The following RASSF4 variants were observed in gnomAD, a reference collection of about 807,000 sequenced individuals.
RASSF4 encodes the protein Ras association domain family member 4, also known as ras association domain-containing protein 4.
A neutral mutation model predicts 41.1 loss-of-function variants in RASSF4; 38 were observed. The ratio of observed to expected loss-of-function variants is 0.92; its 90% CI spans 0.71 to 1.21. The LOEUF (loss-of-function observed/expected upper bound fraction) is 1.21. RASSF4 is among the 50% of genes most tolerant of loss of function. The probability of loss-of-function intolerance (pLI) is 0.00; values close to 1 mark genes in which losing one functional copy is unlikely to be tolerated. For missense variants in RASSF4, 414 were observed against 419.4 expected, an observed-to-expected ratio of 0.99 and a Z score of 0.11; for synonymous variants, 179 against 163.4, an observed-to-expected ratio of 1.10 and a Z score of -0.73.
At position 44,982,542 on chromosome 10, in the gene RASSF4, G is replaced by A. The variant is rs369408910; in HGVS notation, c.160G>A (p.Glu54Lys). The A allele has an allele frequency of 5.0e-6, 8 of 1,611,846 alleles. No homozygotes were observed. The highest frequency in any genetic ancestry group is 2.2e-5 in the East Asian group (1 of 44,792). ...ACAGGAAGAAGGGACTCTGATCATC[G>A]AGGGGCTCCTCAACATTGCCTGGGG... ...HREEEGTLII[E>K]GLLNIAWGLR... The change falls in exon 4 of 11, where the codon GAG becomes AAG. Residue 54 changes from glutamate (E) to lysine (K), a missense_variant. Transcript: ENST00000340258.
At position 44,984,904 on chromosome 10, in the gene RASSF4, C is replaced by A. The variant is rs778569351; in HGVS notation, c.465C>A (p.Ala155=). The stretch of plus-strand genomic sequence containing the variant: ...GCCAGAGGAGGCCCAAGTGCCGCGC[C>A]CCCGGTGAGGCCCAGCGCATCCGGC... The part of the protein sequence containing the change: ...CMSQRRPKCR[A]PGEAQRIRRH... The change falls in exon 6 of 11, where the codon GCC becomes GCA. Residue 155 remains alanine, a synonymous_variant. Transcript: ENST00000340258. 2 of 1,613,564 alleles carry A rather than the reference C, an allele frequency of 1.2e-6. No individual in the cohort carries two copies. Among genetic ancestry groups the A allele is most frequent in the Non-Finnish European group, 1.7e-6 (2 of 1,180,014 alleles).
chr10:44,992,309 G>C (rs1842145339), intron 10 of RASSF4, among the ~76,000 whole-genome samples: 1 of 152,278 alleles, frequency 6.6e-6, no homozygotes, highest in South Asian at 2.1e-4. Context: ...AGGAACCCAA[G>C]TGGGCGCTGG....
At chr10:44,970,022 C>A in intron 1 of RASSF4, 143 bp from the exon 2 acceptor site, 1 of 623,270 alleles carries the variant, frequency 1.6e-6, no homozygotes. Context: ...CTGGGCCAGA[C>A]CCTTTCAGCC....
chr10:44,966,541 A>T (rs1156355472), intron 1 of RASSF4, among the ~76,000 whole-genome samples: 1 of 152,200 alleles, frequency 6.6e-6, no homozygotes, highest in African/African-American at 2.4e-5. Flanking sequence ...GGGGGTTGGG[A>T]GCTGCTTCCT....
chr10:44,980,589 G>A (rs115174789), intron 3 of RASSF4, among the ~76,000 whole-genome samples: 2,978 of 152,308 alleles, frequency 0.02, 107 homozygotes, highest in African/African-American at 0.068. Context: ...AGGGCCACCT[G>A]CTCAGCTTTC....
chr10:44,989,633 A>G (rs765796936), intron 7 of RASSF4, 37 bp from the exon 8 acceptor site: 2 of 1,605,658 alleles, frequency 1.2e-6, no homozygotes, highest in East Asian at 2.2e-5. Flanking sequence ...CCCATCTCCA[A>G]GCACCGTGAT....
rs1336311933 is a variant in RASSF4, at chr10:44,994,518, G to A, written c.*1189G>A. 1 of 152,364 alleles carries A rather than the reference G, an allele frequency of 6.6e-6. No individual in the cohort carries two copies. The highest frequency in any genetic ancestry group is 1.5e-5 in the Non-Finnish European group (1 of 68,034). The allele number at this position is 152,364 out of a possible 1,614,324, so 9.4% of individuals were successfully genotyped here. A position where few individuals can be genotyped will look rare whatever the true frequency, so the allele number is the denominator to read the frequency against. Reference sequence around the variant, plus strand: ...GAAGCTCCTTACGGGTGCCCATCAAGAGCATAGCTTGGAAGCCACCATGCT... The same window carrying A: ...GAAGCTCCTTACGGGTGCCCATCAAAAGCATAGCTTGGAAGCCACCATGCT... On this transcript the variant is annotated 3_prime_UTR_variant, in exon 11 of 11. Transcript: ENST00000340258.
rs558134200 is a variant in RASSF4, at chr10:44,961,960, G to A, written c.-39+2094G>A. On this transcript the variant is annotated intron_variant, in intron 1 of 10. Transcript: ENST00000340258. ...TGTAAAAGAGAAACTTGTAGTTCCC[G>A]GGGTCTCCTTTTCTGGCTGTCCCAC... Among the ~76,000 whole-genome samples, 15 of 152,298 alleles carry A rather than the reference G, an allele frequency of 9.8e-5. No homozygotes were observed. In the South Asian group the frequency reaches 2.1e-3, roughly 21 times the overall value.
intron 3 of RASSF4, among the ~76,000 whole-genome samples, chr10:44,980,691 G>A (rs1471338216): frequency 3.9e-5 from 6 of 152,136 alleles, no homozygotes; most frequent in Non-Finnish European, 7.3e-5. Context: ...GTCCAAGCCC[G>A]AGCCCCTCGT....
chr10:44,993,130 C>T, intron 10 of RASSF4, 139 bp from the exon 11 acceptor site: 1 of 689,300 alleles, frequency 1.5e-6, no homozygotes, highest in Non-Finnish European at 2.5e-6. Context: ...AGGCCACAGC[C>T]TTCCCCCTCC....
In RASSF4 at chr10:44,970,215, T is replaced by A. The variant is rs778343371; in HGVS notation, c.13T>A (p.Cys5Ser). ...AGAGGAAGAGAAGATGAAGGAAGAC[T>A]GTCTGCCGAGTTCTCACGTGCCCAT... The part of the protein sequence containing the change: MKED[C>S]LPSSHVPISD... Residue 5 changes from cysteine (C) to serine (S), a missense_variant, in exon 2 of 11, where the codon TGT (cysteine) becomes AGT (serine). Transcript: ENST00000340258. 8.7e-6 allele frequency: 14 copies of A among 1,613,908 alleles called. No individual in the cohort carries two copies. The Admixed American group carries it at 2.0e-4, about 23-fold the overall frequency.
At chr10:44,979,287 G>A (rs1440606247) in intron 3 of RASSF4, among the ~76,000 whole-genome samples, 1 of 152,188 alleles carries the variant, frequency 6.6e-6, no homozygotes, top group Non-Finnish European at 1.5e-5. Flanking sequence ...CGGTCTGCGG[G>A]GTCTGACCCT....
chr10:44,979,808 C>G (rs761232601), intron 3 of RASSF4, among the ~76,000 whole-genome samples: 4 of 151,990 alleles, frequency 2.6e-5, no homozygotes, highest in Non-Finnish European at 4.4e-5. Context: ...AGGGTTTGAA[C>G]AAGGGCACTG....
intron 3 of RASSF4, chr10:44,977,374 G>A (rs756315195): frequency 2.6e-6 from 4 of 1,549,646 alleles, no homozygotes; most frequent in Admixed American, 1.9e-5. Flanking sequence ...CTCTACAGAA[G>A]CCTTTACTGG....
In RASSF4 at chr10:44,982,514, C is replaced by T. The variant is rs1841755778; in HGVS notation, c.139-7C>T. The T allele has an allele frequency of 6.2e-7, 1 of 1,610,436 alleles. No homozygotes were observed. The highest frequency in any genetic ancestry group is 8.5e-7 in the Non-Finnish European group (1 of 1,178,250). ...TGGGGGAAGGGCTGATGTGTGGACC[C>T]CCACAGGAAGAAGGGACTCTGATCA... On this transcript the variant is annotated splice_polypyrimidine_tract_variant and splice_region_variant and intron_variant, in intron 3 of 10. Transcript: ENST00000340258.
At position 44,964,436 on chromosome 10, in the gene RASSF4, G is replaced by C. The variant is rs555405566; in HGVS notation, c.-39+4570G>C. Among the ~76,000 whole-genome samples, 705 of 152,328 alleles carry C rather than the reference G, an allele frequency of 4.6e-3. 3 individuals carry two copies. The highest frequency in any genetic ancestry group is 7.6e-3 in the Non-Finnish European group (517 of 68,030). ...TTTCCCAGCAGAATGGCACGGCTTG[G>C]AGGAGGGGAGAGCCTGCTGGCCGAC... On this transcript the variant is annotated intron_variant, in intron 1 of 10. Transcript: ENST00000340258.
At chr10:44,978,126 C>T in intron 3 of RASSF4, 2 of 1,422,306 alleles carry the variant, frequency 1.4e-6, no homozygotes, top group East Asian at 4.7e-5. Flanking sequence ...TCACCACACT[C>T]CTCTGGGGCT....
At chr10:44,971,574 GC>G (rs762505383) in intron 2 of RASSF4, 198 bp from the exon 3 acceptor site, 1 of 684,936 alleles carries the variant, frequency 1.5e-6, no homozygotes. Context: ...CGACCCCCAT[GC>G]CCCCCACCAG....
At chr10:44,984,590 G>T (rs1006239710) in intron 5 of RASSF4, 2 of 599,574 alleles carry the variant, frequency 3.3e-6, no homozygotes, top group Non-Finnish European at 3.0e-6. Context: ...GACCAAGAGG[G>T]GTATGGCCAT....
Sources: allele counts gnomAD v4.1 joint callset (sites outside exome capture counted in the v4.1 genomes callset), GRCh38; gene constraint gnomAD v4.1.1; transcripts MANE v1.5; gene names NCBI Gene and HGNC (gene_info 2026-07-23, HGNC 2026-07-21).